Variants in RDH11 observed in about 807,000 individuals in gnomAD.
RDH11 encodes retinol dehydrogenase 11.
Under a neutral mutation model 33.4 loss-of-function variants are expected in RDH11, and 19 were observed. The ratio of observed to expected loss-of-function variants is 0.57; its 90% CI spans 0.40 to 0.83. RDH11 has a LOEUF of 0.83. Ranked by LOEUF, RDH11 falls within the 40% of genes least tolerant of loss-of-function variation. The pLI, the probability that RDH11 is intolerant of heterozygous loss-of-function variation, is 0.00. For missense variants in RDH11, 353 were observed against 389.0 expected, an observed-to-expected ratio of 0.91 and a Z score of 0.78; for synonymous variants, 154 against 155.3, an observed-to-expected ratio of 0.99 and a Z score of 0.06.
At position 67,695,656 on chromosome 14, in the gene RDH11, A is replaced by G. The variant is rs1171644518; in HGVS notation, c.48T>C (p.Leu16=). 1 of 1,614,186 alleles carries G rather than the reference A, an allele frequency of 6.2e-7. No individual in the cohort carries two copies. Among genetic ancestry groups the G allele is most frequent in the Non-Finnish European group, 8.5e-7 (1 of 1,180,020 alleles). The part of the protein sequence containing the change: ...FPLLLLLLPF[L]LYMAAPQIRK... ...TGATTTGGGGCGCAGCCATATACAG[A>G]AGGAAGGGCAGAAGGAGGAGCAACA... is the stretch of plus-strand genomic sequence containing the variant. Residue 16 remains leucine (L), a synonymous_variant, in exon 1 of 7, where the codon CTT becomes CTC. Coordinates refer to ENST00000381346, the MANE Select transcript of RDH11 (RefSeq NM_016026.4).
chr14:67,693,025 T>G lies in RDH11; in HGVS notation c.102A>C (p.Thr34=). ...IRKMLSSGVC[T]STVQLPGKVV... ...CTTTCCCAGGAAGCTGAACAGTTGA[T>G]GTACACACCCCACTGGACAGCATTT... Residue 34 remains threonine, a synonymous_variant, in exon 2 of 7, where the codon ACA becomes ACC. Coordinates refer to ENST00000381346, the MANE Select transcript of RDH11 (RefSeq NM_016026.4). The G allele has an allele frequency of 6.2e-7, 1 of 1,613,958 alleles. No homozygotes were observed. Among genetic ancestry groups the G allele is most frequent in the Non-Finnish European group, 8.5e-7 (1 of 1,179,838 alleles).
chr14:67,687,480 T>C (rs1367885653), intron 5 of RDH11, among the ~76,000 whole-genome samples: 3 of 150,242 alleles, frequency 2.0e-5, no homozygotes, highest in South Asian at 4.2e-4. Context: ...TTTTTTTTTT[T>C]TTTTTTTGAG....
intron 1 of RDH11, among the ~76,000 whole-genome samples, chr14:67,694,692 T>C (rs941718680): frequency 2.6e-5 from 4 of 151,600 alleles, no homozygotes; most frequent in Admixed American, 1.3e-4. Context: ...GAGAACTGAG[T>C]GTTCAGAAGG....
intron 6 of RDH11, chr14:67,684,491 T>G (rs2037651983): frequency 6.6e-6 from 1 of 152,292 alleles, no homozygotes; most frequent in Non-Finnish European, 1.5e-5. Context: ...TTCAAAATTC[T>G]CTACATTTAA....
Position 67,695,729 on chromosome 14 carries a change from G to A in RDH11, c.-26C>T. 2 of 1,611,388 alleles carry A rather than the reference G, an allele frequency of 1.2e-6. No individual in the cohort carries two copies. The highest frequency in any genetic ancestry group is 1.7e-6 in the Non-Finnish European group (2 of 1,177,806). The stretch of plus-strand genomic sequence containing the variant: ...CTCTGCCGGCTGCAGCGGCACCAGA[G>A]CGGGATGCTCCAGCGTTGCTCGCCG... On this transcript the variant is annotated 5_prime_UTR_variant, in exon 1 of 7. Coordinates refer to ENST00000381346, the MANE Select transcript of RDH11 (RefSeq NM_016026.4).
intron 1 of RDH11, among the ~76,000 whole-genome samples, chr14:67,694,489 C>CACATAT (rs1555387472): frequency 9.7e-5 from 14 of 144,230 alleles, no homozygotes; most frequent in African/African-American, 2.9e-4. Context: ...CACACACACA[C>CACATAT]ATATATATAT....
intron 6 of RDH11, 88 bp downstream of exon 6, chr14:67,684,927 T>C (rs2037657816): frequency 9.6e-7 from 1 of 1,037,388 alleles, no homozygotes; most frequent in African/African-American, 1.6e-5. Context: ...TGAGACAATG[T>C]ACTTTTAAAA....
intron 6 of RDH11, 110 bp from the exon 7 acceptor site, chr14:67,678,533 G>T (rs2037572823): frequency 1.5e-6 from 1 of 661,776 alleles, no homozygotes. Context: ...TGTTCTCCAT[G>T]TACTTCACAG....
In RDH11 at chr14:67,690,438, G is replaced by GA. The variant is rs556231797; in HGVS notation, c.455-18dup. On this transcript the variant is annotated splice_polypyrimidine_tract_variant and intron_variant, in intron 4 of 6. Transcript: ENST00000381346. ...GGAAGTGACCTGTTGAGAAATACTA[G>GA]AATTAATGAAGTTCAGGGCCATGTA... 4.5e-5 allele frequency: 73 copies of GA among 1,609,196 alleles called. No individual in the cohort carries two copies. In the East Asian group the frequency reaches 1.6e-3, roughly 35 times the overall value.
chr14:67,693,939 C>A (rs1405720309), intron 1 of RDH11, among the ~76,000 whole-genome samples: 3 of 152,190 alleles, frequency 2.0e-5, no homozygotes. Context: ...GTGTGAGTCA[C>A]CAAGCCCAGC....
At chr14:67,691,360 A>C in intron 3 of RDH11, 116 bp from the exon 4 acceptor site, 1 of 669,564 alleles carries the variant, frequency 1.5e-6, no homozygotes, top group Non-Finnish European at 2.6e-6. Flanking sequence ...TCTTCCCTCC[A>C]TTTTTCCTTC....
In RDH11 at chr14:67,695,758, A is replaced by C; in HGVS notation, c.-55T>G. ...GATGCTCCAGCGTTGCTCGCCGACT[A>C]TGGCTTCTCTTTCTAGACACGCCCC... is the stretch of plus-strand genomic sequence containing the variant. On this transcript the variant is annotated 5_prime_UTR_variant, in exon 1 of 7. Transcript: ENST00000381346. 6.5e-7 allele frequency: 1 copy of C among 1,543,840 alleles called. No homozygotes were observed. The highest frequency in any genetic ancestry group is 8.9e-7 in the Non-Finnish European group (1 of 1,120,234).
chr14:67,687,424 A>T (rs960355702), intron 5 of RDH11, among the ~76,000 whole-genome samples: 8 of 148,462 alleles, frequency 5.4e-5, no homozygotes, highest in Non-Finnish European at 8.9e-5. Flanking sequence ...ACCTTTGTAC[A>T]TTCTCCTCCT....
intron 6 of RDH11, among the ~76,000 whole-genome samples, chr14:67,682,326 C>T (rs1370019259): frequency 1.3e-5 from 2 of 152,130 alleles, no homozygotes; most frequent in African/African-American, 2.4e-5. Flanking sequence ...TAAAAGACAA[C>T]CCACAGAATG....
intron 5 of RDH11, among the ~76,000 whole-genome samples, chr14:67,686,882 G>A (rs745466773): frequency 9.2e-5 from 14 of 152,130 alleles, no homozygotes; most frequent in Non-Finnish European, 1.8e-4. Flanking sequence ...TGAAGAAACA[G>A]AATTTTTCTG....
At chr14:67,687,944 G>C (rs1358730915) in intron 5 of RDH11, among the ~76,000 whole-genome samples, 3 of 151,482 alleles carry the variant, frequency 2.0e-5, no homozygotes, top group Non-Finnish European at 4.4e-5. Flanking sequence ...GCTAATTTTT[G>C]TATTTTTAGT....
At chr14:67,681,020 C>G (rs1314675843) in intron 6 of RDH11, among the ~76,000 whole-genome samples, 1 of 152,080 alleles carries the variant, frequency 6.6e-6, no homozygotes, top group African/African-American at 2.4e-5. Flanking sequence ...ATTGTGTTCC[C>G]CCAAAATTAA....
At chr14:67,678,521 C>G in intron 6 of RDH11, 98 bp from the exon 7 acceptor site, 3 of 705,804 alleles carry the variant, frequency 4.3e-6, no homozygotes, top group Non-Finnish European at 7.4e-6. Context: ...CTAGGGATCA[C>G]ATGTTCTCCA....
At chr14:67,693,981 AT>A (rs1350654522) in intron 1 of RDH11, among the ~76,000 whole-genome samples, 1 of 152,080 alleles carries the variant, frequency 6.6e-6, no homozygotes, top group Non-Finnish European at 1.5e-5. Context: ...ACTATACTAT[AT>A]TGCCTTTTCC....
Sources: allele counts gnomAD v4.1 joint callset (sites outside exome capture counted in the v4.1 genomes callset), GRCh38; gene constraint gnomAD v4.1.1; transcripts MANE v1.5; gene names NCBI Gene and HGNC (gene_info 2026-07-23, HGNC 2026-07-21).